Variants in CACNA2D1 observed in about 807,000 individuals in gnomAD.
The protein encoded by CACNA2D1 is voltage-dependent calcium channel subunit alpha-2/delta-1.
In CACNA2D1, 53 loss-of-function variants were observed where a neutral mutation model predicts 171.5. The observed-to-expected ratio is 0.31, with a 90% CI of 0.25 to 0.39. The LOEUF (loss-of-function observed/expected upper bound fraction) is 0.39, where lower values mean the gene tolerates loss of function less well. Ranked by LOEUF, CACNA2D1 falls within the 10% of genes least tolerant of loss-of-function variation. The pLI is 1.00. For synonymous variants in CACNA2D1, 442 were observed against 443.1 expected, an observed-to-expected ratio of 1.00 and a Z score of 0.03; for missense variants, 903 against 1,299.8, an observed-to-expected ratio of 0.69 and a Z score of 4.69.
chr7:82,207,868 A>ATG (rs1310445636), intron 3 of CACNA2D1, among the ~76,000 whole-genome samples: 1 of 152,208 alleles, frequency 6.6e-6, no homozygotes, highest in Non-Finnish European at 1.5e-5. Flanking sequence ...TTCTAAACAC[A>ATG]TATATATTGA....
At chr7:82,193,000 G>A (rs188770497) in intron 3 of CACNA2D1, among the ~76,000 whole-genome samples, 70 of 149,144 alleles carry the variant, frequency 4.7e-4, no homozygotes, top group African/African-American at 1.6e-3. Flanking sequence ...AGTTAAACTG[G>A]AACTAGATCC....
At position 82,170,688 on chromosome 7, in the gene CACNA2D1, A is replaced by C. The variant is rs1038333190; in HGVS notation, c.295-79T>G. On this transcript the variant is annotated intron_variant, in intron 3 of 38. Transcript: ENST00000356860. ...GTTATATAAAATGCTTGCGCTTTCT[A>C]ATCAATTTTGAGGACATAAAAAGCA... 136 of 1,297,228 alleles carry C rather than the reference A, an allele frequency of 1.0e-4. 1 individual carries two copies. The Admixed American group carries it at 2.3e-3, about 22-fold the overall frequency. 80.4% of individuals were successfully genotyped at this position (1,297,228 alleles called of 1,614,324 possible).
At chr7:82,233,583 G>A (rs527792173) in intron 3 of CACNA2D1, among the ~76,000 whole-genome samples, 75 of 152,078 alleles carry the variant, frequency 4.9e-4, no homozygotes, top group Non-Finnish European at 1.0e-3. Flanking sequence ...ATGAGATCAA[G>A]TGAAGTACAC....
chr7:82,265,225 C>T (rs1807673065), intron 3 of CACNA2D1, among the ~76,000 whole-genome samples: 4 of 152,174 alleles, frequency 2.6e-5, no homozygotes, highest in African/African-American at 7.2e-5. Flanking sequence ...CATCAGGTCT[C>T]TCAATCCACA....
At chr7:82,123,637 C>T (rs948515620) in intron 5 of CACNA2D1, among the ~76,000 whole-genome samples, 24 of 152,284 alleles carry the variant, frequency 1.6e-4, no homozygotes, top group African/African-American at 5.5e-4. Flanking sequence ...CACAGTGTTC[C>T]AGCTCTGGAT....
chr7:81,960,849 A>G (rs547684237), intron 36 of CACNA2D1, among the ~76,000 whole-genome samples: 2 of 152,114 alleles, frequency 1.3e-5, no homozygotes, highest in South Asian at 4.2e-4. Context: ...CTGATATGCT[A>G]ATCTCCTCTA....
chr7:82,282,861 C>A (rs1305411314), intron 3 of CACNA2D1, among the ~76,000 whole-genome samples: 1 of 152,016 alleles, frequency 6.6e-6, no homozygotes, highest in Non-Finnish European at 1.5e-5. Context: ...GGAAGGGGCA[C>A]CTCAGGTACA....
At chr7:81,996,972 A>T (rs2130796065) in intron 19 of CACNA2D1, among the ~76,000 whole-genome samples, 1 of 152,244 alleles carries the variant, frequency 6.6e-6, no homozygotes, top group Non-Finnish European at 1.5e-5. Flanking sequence ...GTCGAACCCA[A>T]CTTAAACATT....
intron 3 of CACNA2D1, among the ~76,000 whole-genome samples, chr7:82,192,764 C>G (rs1041437477): frequency 1.7e-4 from 24 of 143,056 alleles, no homozygotes; most frequent in Middle Eastern, 3.4e-3. Context: ...TTTTTTTTTC[C>G]TGAAACATCT....
At chr7:82,420,211 C>T (rs143723470) in intron 1 of CACNA2D1, among the ~76,000 whole-genome samples, 14 of 152,252 alleles carry the variant, frequency 9.2e-5, no homozygotes, top group Middle Eastern at 3.4e-3. Flanking sequence ...ATTCTCCTAC[C>T]TTGTCAAAAT....
intron 3 of CACNA2D1, among the ~76,000 whole-genome samples, chr7:82,229,504 T>A (rs1802681419): frequency 6.6e-6 from 1 of 151,920 alleles, no homozygotes; most frequent in Admixed American, 6.6e-5. Flanking sequence ...ATTTCTTATT[T>A]TTTTGGTCTC....
intron 1 of CACNA2D1, among the ~76,000 whole-genome samples, chr7:82,370,070 G>T (rs1822212074): frequency 6.6e-6 from 1 of 151,712 alleles, no homozygotes; most frequent in African/African-American, 2.4e-5. Flanking sequence ...ATCTACCATA[G>T]AGATATGTGA....
intron 38 of CACNA2D1, among the ~76,000 whole-genome samples, chr7:81,955,977 TA>T (rs1793261530): frequency 3.5e-5 from 2 of 56,896 alleles, no homozygotes; most frequent in Non-Finnish European, 6.8e-5. Context: ...TATATATATA[TA>T]TATTTTTTTT....
intron 3 of CACNA2D1, among the ~76,000 whole-genome samples, chr7:82,192,616 C>T (rs1048701763): frequency 3.3e-5 from 5 of 151,178 alleles, no homozygotes; most frequent in African/African-American, 1.2e-4. Context: ...ATTAAGAATT[C>T]AAGATGTGTA....
At chr7:82,099,441 T>G (rs1246611529) in intron 6 of CACNA2D1, among the ~76,000 whole-genome samples, 3 of 16,584 alleles carry the variant, frequency 1.8e-4, no homozygotes, top group Non-Finnish European at 4.3e-4. Flanking sequence ...TTTTTTTTTT[T>G]TTTTTTTTTT....
intron 3 of CACNA2D1, among the ~76,000 whole-genome samples, chr7:82,246,114 T>C (rs1188713913): frequency 6.6e-6 from 1 of 151,910 alleles, no homozygotes; most frequent in Non-Finnish European, 1.5e-5. Context: ...AAATGCCTCA[T>C]GTTTATTGTA....
chr7:82,284,550 G>T (rs2129382006), intron 3 of CACNA2D1, among the ~76,000 whole-genome samples: 1 of 152,286 alleles, frequency 6.6e-6, no homozygotes, highest in East Asian at 1.9e-4. Context: ...CAAGGCACCA[G>T]TACATTCAGT....
chr7:82,072,956 AT>A (rs761775596), intron 7 of CACNA2D1, among the ~76,000 whole-genome samples: 28 of 152,180 alleles, frequency 1.8e-4, no homozygotes, highest in Non-Finnish European at 3.5e-4. Context: ...GATTATAGAT[AT>A]TTAAAAATAG....
intron 34 of CACNA2D1, among the ~76,000 whole-genome samples, chr7:81,962,824 C>T (rs1000993736): frequency 1.3e-5 from 2 of 152,092 alleles, no homozygotes; most frequent in South Asian, 2.1e-4. Context: ...ACATTCATTA[C>T]GTCTCCTTAT....
Sources: allele counts gnomAD v4.1 joint callset (sites outside exome capture counted in the v4.1 genomes callset), GRCh38; gene constraint gnomAD v4.1.1; transcripts MANE v1.5; gene names NCBI Gene and HGNC (gene_info 2026-07-23, HGNC 2026-07-21).